Variants in SAMD12 observed in about 807,000 individuals in gnomAD.
SAMD12 encodes the protein sterile alpha motif domain-containing protein 12.
Under a neutral mutation model 15.0 loss-of-function variants are expected in SAMD12, and 9 were observed. That is an observed-to-expected ratio of 0.60 (90% CI 0.36 to 1.05). The LOEUF (loss-of-function observed/expected upper bound fraction) is 1.05. Ranked by LOEUF, SAMD12 falls within the 50% of genes least tolerant of loss-of-function variation. SAMD12 has a pLI of 0.01. For missense variants in SAMD12, 230 were observed against 234.2 expected (o/e 0.98, Z 0.12); for synonymous variants, 86 against 90.1 (o/e 0.96, Z 0.25).
At chr8:118,433,805 A>G (rs1822493688) in intron 3 of SAMD12, among the ~76,000 whole-genome samples, 1 of 152,236 alleles carries the variant, frequency 6.6e-6, no homozygotes, top group South Asian at 2.1e-4. Context: ...CAATATCCAG[A>G]GCAGAAGTGA....
intron 4 of SAMD12, among the ~76,000 whole-genome samples, chr8:118,343,365 G>A (rs757029514): frequency 7.6e-5 from 11 of 144,858 alleles, no homozygotes; most frequent in Admixed American, 6.4e-4. Context: ...AGTTTTGGAG[G>A]GGGGGAATCG....
chr8:118,224,500 G>A (rs1563703262), intron 4 of SAMD12, among the ~76,000 whole-genome samples: 2 of 152,146 alleles, frequency 1.3e-5, no homozygotes, highest in African/African-American at 2.4e-5. Context: ...GTTTGTTTAA[G>A]GATGGGGCCA....
intron 4 of SAMD12, among the ~76,000 whole-genome samples, chr8:118,254,352 C>A (rs531949957): frequency 2.6e-5 from 4 of 152,198 alleles, no homozygotes; most frequent in Admixed American, 2.6e-4. Flanking sequence ...ACTTAATCTT[C>A]CCAATAGCCT....
chr8:118,553,989 T>A (rs977140513), intron 2 of SAMD12, among the ~76,000 whole-genome samples: 6 of 152,106 alleles, frequency 3.9e-5, no homozygotes, highest in Non-Finnish European at 8.8e-5. Flanking sequence ...TGAGATATCA[T>A]CTCACACCAG....
chr8:118,583,950 T>C (rs901271895), intron 1 of SAMD12, among the ~76,000 whole-genome samples: 12 of 152,218 alleles, frequency 7.9e-5, no homozygotes, highest in African/African-American at 2.9e-4. Context: ...GTCCAGGACC[T>C]GGCACATAAG....
intron 2 of SAMD12, among the ~76,000 whole-genome samples, chr8:118,525,630 A>C (rs1021154276): frequency 5.9e-4 from 90 of 152,174 alleles, no homozygotes; most frequent in Non-Finnish European, 1.8e-4. Flanking sequence ...ATGTTTTCAC[A>C]ATACAGGGAA....
intron 4 of SAMD12, among the ~76,000 whole-genome samples, chr8:118,351,834 A>G (rs1445834473): frequency 6.6e-6 from 1 of 152,220 alleles, no homozygotes; most frequent in African/African-American, 2.4e-5. Context: ...AGCAGAAACA[A>G]GAGAAAATGA....
intron 2 of SAMD12, among the ~76,000 whole-genome samples, chr8:118,525,565 G>A (rs1466078115): frequency 2.0e-5 from 3 of 152,078 alleles, no homozygotes; most frequent in East Asian, 1.9e-4. Context: ...AAGTGCATCA[G>A]GTGCTTCTAA....
chr8:118,533,021 T>C (rs1201511701), intron 2 of SAMD12, among the ~76,000 whole-genome samples: 1 of 152,220 alleles, frequency 6.6e-6, no homozygotes, highest in Non-Finnish European at 1.5e-5. Flanking sequence ...GTTCTTTTAA[T>C]TGTGATGTTA....
At chr8:118,603,144 A>G (rs958007626) in intron 1 of SAMD12, among the ~76,000 whole-genome samples, 9 of 152,178 alleles carry the variant, frequency 5.9e-5, no homozygotes, top group Non-Finnish European at 1.3e-4. Flanking sequence ...AATAAGAACT[A>G]GTCCAGCCAA....
chr8:118,537,665 T>C (rs907653568), intron 2 of SAMD12, among the ~76,000 whole-genome samples: 1 of 152,206 alleles, frequency 6.6e-6, no homozygotes, highest in African/African-American at 2.4e-5. Context: ...ATTTATCTGA[T>C]AGAATTCTGA....
At chr8:118,269,220 C>T (rs11986210) in intron 4 of SAMD12, among the ~76,000 whole-genome samples, 1 of 123,006 alleles carries the variant, frequency 8.1e-6, no homozygotes, top group Non-Finnish European at 1.6e-5. Context: ...CTCTCTCTCT[C>T]TGTGTGTGTG....
chr8:118,276,056 T>C lies in SAMD12; in HGVS notation c.434-78324A>G, dbSNP rs1175859993. 3.9e-5 allele frequency among the ~76,000 whole-genome samples: 6 copies of C among 152,348 alleles called. No individual in the cohort carries two copies. The East Asian group carries it at 1.2e-3, about 29-fold the overall frequency. Reference sequence around the variant, plus strand: ...GTATACAAAATAGATTCTTCAACGTTTGTTGAAACCTTATGCTCCAGAACA... The same window carrying C: ...GTATACAAAATAGATTCTTCAACGTCTGTTGAAACCTTATGCTCCAGAACA... On this transcript the variant is annotated intron_variant, in intron 4 of 4. Transcript: ENST00000409003.
chr8:118,210,384 C>T (rs1461979030), intron 4 of SAMD12, among the ~76,000 whole-genome samples: 1 of 152,134 alleles, frequency 6.6e-6, no homozygotes, highest in African/African-American at 2.4e-5. Context: ...GCACTTCCAC[C>T]TCCCTAAGGA....
chr8:118,556,324 A>G (rs1291827651), intron 2 of SAMD12, among the ~76,000 whole-genome samples: 1 of 152,310 alleles, frequency 6.6e-6, no homozygotes, highest in Non-Finnish European at 1.5e-5. Flanking sequence ...TACTCTCAGC[A>G]TGGTCTTCTA....
intron 3 of SAMD12, among the ~76,000 whole-genome samples, chr8:118,432,978 C>G (rs1822459548): frequency 6.6e-6 from 1 of 152,190 alleles, no homozygotes; most frequent in Non-Finnish European, 1.5e-5. Flanking sequence ...ATGCTCATCC[C>G]TGGAGGTGTT....
rs551206455 is a variant in SAMD12, at chr8:118,280,785, T to C, written c.434-83053A>G. On this transcript the variant is annotated intron_variant, in intron 4 of 4. Transcript: ENST00000409003. ...CTCCACTTTATTACTATATATGCAC[T>C]GGGCCTCCAGCATTTTGGTGGGGGA... 6.6e-5 allele frequency among the ~76,000 whole-genome samples: 10 copies of C among 152,290 alleles called. No individual in the cohort carries two copies. The South Asian group carries it at 1.9e-3, about 28-fold the overall frequency.
chr8:118,198,247 T>A (rs1819620700), intron 4 of SAMD12, among the ~76,000 whole-genome samples: 1 of 152,270 alleles, frequency 6.6e-6, no homozygotes, highest in East Asian at 1.9e-4. Flanking sequence ...TCAGATTAGC[T>A]GGGAAGGTTA....
chr8:118,537,630 A>G (rs1282955658), intron 2 of SAMD12, among the ~76,000 whole-genome samples: 5 of 152,148 alleles, frequency 3.3e-5, no homozygotes, highest in Admixed American at 6.5e-5. Flanking sequence ...TGATTTTTTA[A>G]AAATTATTTC....
Sources: allele counts gnomAD v4.1 joint callset (sites outside exome capture counted in the v4.1 genomes callset), GRCh38; gene constraint gnomAD v4.1.1; transcripts MANE v1.5; gene names NCBI Gene and HGNC (gene_info 2026-07-23, HGNC 2026-07-21).